MAP6: variants seen among roughly 807,000 people sequenced by gnomAD.
MAP6 encodes the protein microtubule associated protein 6, also known as microtubule-associated protein 6.
Under a neutral mutation model 42.4 loss-of-function variants are expected in MAP6, and 26 were observed. The ratio of observed to expected loss-of-function variants is 0.61; its 90% CI spans 0.45 to 0.85. The LOEUF is 0.85. MAP6 is among the 40% of genes least tolerant of loss of function. The probability of loss-of-function intolerance (pLI) is 0.00; values close to 1 mark genes in which losing one functional copy is unlikely to be tolerated. For missense variants in MAP6, 966 were observed against 1,099.0 expected (o/e 0.88, Z 1.71); for synonymous variants, 418 against 443.8 (o/e 0.94, Z 0.73).
At chr11:75,661,737 A>G (rs1234948075) in intron 1 of MAP6, among the ~76,000 whole-genome samples, 1 of 152,114 alleles carries the variant, frequency 6.6e-6, no homozygotes, top group Non-Finnish European at 1.5e-5. Flanking sequence ...TAATGATAAA[A>G]CTTTAGAAAC....
intron 1 of MAP6, among the ~76,000 whole-genome samples, chr11:75,652,158 CTT>C (rs1224454299): frequency 1.3e-5 from 2 of 152,094 alleles, no homozygotes; most frequent in African/African-American, 2.4e-5. Flanking sequence ...TGTTTTCTCT[CTT>C]GTTATATAAG....
Position 75,587,031 on chromosome 11 carries a change from C to A in MAP6, c.*28G>T. On this transcript the variant is annotated 3_prime_UTR_variant, in exon 4 of 4. Transcript: ENST00000304771. Reference sequence around the variant, plus strand: ...GAGGGGAGCACTCTCACTGTCAGCTCCTTCATTGGTGTGTCAAGGGGTGAG... The same window carrying A: ...GAGGGGAGCACTCTCACTGTCAGCTACTTCATTGGTGTGTCAAGGGGTGAG... 1 of 1,532,734 alleles carries A rather than the reference C, an allele frequency of 6.5e-7. No homozygotes were observed. Among genetic ancestry groups the A allele is most frequent in the Non-Finnish European group, 8.8e-7 (1 of 1,141,354 alleles). 94.9% of individuals were successfully genotyped at this position (1,532,734 alleles called of 1,614,324 possible).
intron 1 of MAP6, among the ~76,000 whole-genome samples, chr11:75,657,896 C>T (rs1943777956): frequency 6.6e-6 from 1 of 152,174 alleles, no homozygotes; most frequent in East Asian, 1.9e-4. Flanking sequence ...GGCTATACTC[C>T]CCATTCCAAG....
At chr11:75,594,343 G>A (rs1033055271) in intron 3 of MAP6, 2 of 152,224 alleles carry the variant, frequency 1.3e-5, no homozygotes, top group Non-Finnish European at 2.9e-5. Context: ...CCCCGTACAT[G>A]TGCTCATGAT....
At chr11:75,658,400 C>G (rs556569415) in intron 1 of MAP6, among the ~76,000 whole-genome samples, 2 of 100,482 alleles carry the variant, frequency 2.0e-5, no homozygotes, top group South Asian at 3.2e-4. Flanking sequence ...TTCTCCACCC[C>G]CCCCGCCCCA....
chr11:75,587,732 G>A lies in MAP6; in HGVS notation c.1769C>T (p.Ala590Val). Reference protein sequence around the residue: ...PVKDEGPMVSASVKDQGPMVS... With the variant: ...PVKDEGPMVSVSVKDQGPMVS... ...CATGGGACCTTGATCCTTGACAGAT[G>A]CTGAGACCATGGGACCTTCATCCTT... is the stretch of plus-strand genomic sequence containing the variant. Residue 590 changes from alanine (A) to valine (V), a missense_variant, in exon 4 of 4, where the codon GCA (alanine) becomes GTA (valine). Coordinates refer to ENST00000304771, the MANE Select transcript of MAP6 (RefSeq NM_033063.2). The A allele has an allele frequency of 6.2e-7, 1 of 1,608,986 alleles. No individual in the cohort carries two copies. Among genetic ancestry groups the A allele is most frequent in the Non-Finnish European group, 8.5e-7 (1 of 1,177,116 alleles).
intron 1 of MAP6, among the ~76,000 whole-genome samples, chr11:75,610,299 C>A (rs1351209379): frequency 6.6e-6 from 1 of 152,232 alleles, no homozygotes; most frequent in Non-Finnish European, 1.5e-5. Context: ...AGAACCAAAT[C>A]GTCTTGTTTT....
chr11:75,587,912 C>T lies in MAP6; in HGVS notation c.1589G>A (p.Gly530Asp). The T allele has an allele frequency of 6.2e-7, 1 of 1,614,140 alleles. No individual in the cohort carries two copies. The highest frequency in any genetic ancestry group is 1.1e-5 in the South Asian group (1 of 91,074). Residue 530 changes from glycine to aspartate, a missense_variant, in exon 4 of 4, where the codon GGT becomes GAT. Physicochemically the swap from Gly to Asp is moderately conservative, Grantham distance 94. This residue lies in a region of MAP6 where 943 missense variants were observed against 1,049.9 expected (regional missense o/e 0.90). Coordinates refer to ENST00000304771, the MANE Select transcript of MAP6 (RefSeq NM_033063.2). Reference sequence around the variant, plus strand: ...CTTTGGAGGAACTGGGACCGAGGGACCTTGGTCCTTGACTGGTGCTGAGAT... The same window carrying T: ...CTTTGGAGGAACTGGGACCGAGGGATCTTGGTCCTTGACTGGTGCTGAGAT... ...PVISAPVKDQ[G>D]PSVPVPPKNQ...
At chr11:75,613,105 T>G (rs1942931650) in intron 1 of MAP6, among the ~76,000 whole-genome samples, 1 of 152,224 alleles carries the variant, frequency 6.6e-6, no homozygotes, top group Admixed American at 6.5e-5. Context: ...TCCCACACCC[T>G]GTGCTGCCAC....
chr11:75,663,146 A>G (rs1172737085), intron 1 of MAP6, among the ~76,000 whole-genome samples: 1 of 151,454 alleles, frequency 6.6e-6, no homozygotes, highest in African/African-American at 2.4e-5. Context: ...TATTTTTAGT[A>G]CAATTTTTTG....
chr11:75,668,028 G>C lies in MAP6; in HGVS notation c.342C>G (p.Ser114=). The C allele has an allele frequency of 8.1e-7, 1 of 1,232,876 alleles. No individual in the cohort carries two copies. The highest frequency in any genetic ancestry group is 1.0e-6 in the Non-Finnish European group (1 of 988,154). The allele number at this position is 1,232,876 out of a possible 1,614,324, so 76.4% of individuals were successfully genotyped here. A position where few individuals can be genotyped will look rare whatever the true frequency, so the allele number is the denominator to read the frequency against. ...GCCGCATCACCGAGTCCGCGGGGCC[G>C]GAGGTGGAGCCGGAGCCCAGGCCCG... ...PGPGLGSGST[S]GPADSVMRQD... Residue 114 remains serine, a synonymous_variant, in exon 1 of 4, where the codon TCC becomes TCG. Coordinates refer to ENST00000304771, the MANE Select transcript of MAP6 (RefSeq NM_033063.2).
chr11:75,660,762 T>G (rs780850293), intron 1 of MAP6, among the ~76,000 whole-genome samples: 32 of 152,282 alleles, frequency 2.1e-4, no homozygotes, highest in Non-Finnish European at 3.4e-4. Context: ...AGTGACTCAT[T>G]ATTGTCTATA....
rs763930019 is a variant in MAP6 at position 75,668,269 on chromosome 11, G to A, written c.101C>T (p.Ser34Leu). 1.2e-5 allele frequency: 18 copies of A among 1,534,362 alleles called. No homozygotes were observed. Among genetic ancestry groups the A allele is most frequent in the Non-Finnish European group, 1.6e-5 (18 of 1,147,986 alleles). ...GGCGCCCGGGTGCTCGGTGGCCTCC[G>A]AGTACTTGGTGAAAACCAGCGGCAC... ...IAVPLVFTKY[S>L]EATEHPGAPP... Residue 34 changes from serine to leucine, a missense_variant, in exon 1 of 4, where the codon TCG becomes TTG. Transcript: ENST00000304771.
At chr11:75,640,118 G>A (rs1254316555) in intron 1 of MAP6, among the ~76,000 whole-genome samples, 1 of 152,058 alleles carries the variant, frequency 6.6e-6, no homozygotes, top group African/African-American at 2.4e-5. Flanking sequence ...AGCACTGGGG[G>A]TGGGGAACAG....
intron 1 of MAP6, among the ~76,000 whole-genome samples, chr11:75,610,261 C>T (rs571234408): frequency 8.5e-4 from 130 of 152,322 alleles, no homozygotes; most frequent in African/African-American, 3.1e-3. Context: ...AAAAAGACAC[C>T]TACCAACAAC....
chr11:75,597,514 G>T (rs1390555980), intron 3 of MAP6, among the ~76,000 whole-genome samples: 3 of 152,196 alleles, frequency 2.0e-5, no homozygotes, highest in Non-Finnish European at 4.4e-5. Flanking sequence ...CCAGTGGGCT[G>T]CCAGGAATCT....
chr11:75,607,038 C>T (rs980883727), intron 2 of MAP6, among the ~76,000 whole-genome samples: 3 of 152,330 alleles, frequency 2.0e-5, no homozygotes, highest in South Asian at 4.1e-4. Flanking sequence ...TGATGCTGGG[C>T]CTTGCAGGCT....
rs866781904 is a variant in MAP6, at chr11:75,587,575, C to T, written c.1926G>A (p.Met642Ile). The stretch of plus-strand genomic sequence containing the variant: ...TTTCATCCTTCGGATGCTCTGGGAC[C>T]ATGGGATCTTGATCCTTGATAGGTG... Reference protein sequence around the residue: ...VSAPIKDQDPMVPEHPKDESA... With the variant: ...VSAPIKDQDPIVPEHPKDESA... The change falls in exon 4 of 4, where the codon ATG (methionine) becomes ATA (isoleucine). Residue 642 changes from methionine to isoleucine, a missense_variant. Physicochemically the swap from Met to Ile is conservative, Grantham distance 10. Coordinates refer to ENST00000304771, the MANE Select transcript of MAP6 (RefSeq NM_033063.2). 1 of 1,614,056 alleles carries T rather than the reference C, an allele frequency of 6.2e-7. No homozygotes were observed. The highest frequency in any genetic ancestry group is 1.7e-5 in the Admixed American group (1 of 60,012).
intron 1 of MAP6, among the ~76,000 whole-genome samples, chr11:75,650,457 C>T (rs765252441): frequency 6.6e-5 from 10 of 152,150 alleles, no homozygotes; most frequent in Admixed American, 2.6e-4. Flanking sequence ...TTGAAATGCA[C>T]GCTTGACACC....
Sources: allele counts gnomAD v4.1 joint callset (sites outside exome capture counted in the v4.1 genomes callset), GRCh38; gene constraint gnomAD v4.1.1; regional missense constraint gnomAD v4.1.1; transcripts MANE v1.5; gene names NCBI Gene and HGNC (gene_info 2026-07-23, HGNC 2026-07-21).